The following PPHLN1 variants were observed in gnomAD, a reference collection of about 807,000 sequenced individuals.
The protein encoded by PPHLN1 is periphilin 1.
In PPHLN1, 29 loss-of-function variants were observed where a neutral mutation model predicts 51.3. That is an observed-to-expected ratio of 0.57 (90% CI 0.42 to 0.77). PPHLN1 has a LOEUF of 0.77. PPHLN1 is among the 30% of genes least tolerant of loss of function. PPHLN1 has a pLI of 0.00. For missense variants in PPHLN1, 436 were observed against 438.4 expected, an observed-to-expected ratio of 0.99 and a Z score of 0.05; for synonymous variants, 147 against 147.8, an observed-to-expected ratio of 0.99 and a Z score of 0.04.
intron 9 of PPHLN1, among the ~76,000 whole-genome samples, chr12:42,434,849 A>G (rs2082344002): frequency 6.6e-6 from 1 of 152,144 alleles, no homozygotes; most frequent in South Asian, 2.1e-4. Flanking sequence ...GCATGCCACC[A>G]TGGCTGGCTA....
chr12:42,346,485 T>C (rs1461672541), intron 2 of PPHLN1, among the ~76,000 whole-genome samples: 1 of 152,212 alleles, frequency 6.6e-6, no homozygotes, highest in Non-Finnish European at 1.5e-5. Flanking sequence ...GATCCATTTG[T>C]TCATCCATAG....
At chr12:42,434,939 C>A (rs1322416289) in intron 9 of PPHLN1, among the ~76,000 whole-genome samples, 3 of 152,208 alleles carry the variant, frequency 2.0e-5, no homozygotes, top group African/African-American at 7.2e-5. Flanking sequence ...GCAATCTGCC[C>A]GCCCTGGCCT....
At chr12:42,335,855 A>G (rs747797814) in intron 1 of PPHLN1, 28 bp from the exon 2 acceptor site, 75 of 1,376,114 alleles carry the variant, frequency 5.5e-5, no homozygotes, top group Non-Finnish European at 6.8e-5. Context: ...CCTAGTATAA[A>G]ATCCATAATT....
chr12:42,406,785 A>C (rs907593374), intron 9 of PPHLN1, among the ~76,000 whole-genome samples: 2 of 151,902 alleles, frequency 1.3e-5, no homozygotes, highest in Non-Finnish European at 2.9e-5. Flanking sequence ...AATCTTTCCT[A>C]TTGTTATTTG....
At chr12:42,348,491 T>G (rs1221026216) in intron 2 of PPHLN1, among the ~76,000 whole-genome samples, 1 of 152,120 alleles carries the variant, frequency 6.6e-6, no homozygotes, top group Non-Finnish European at 1.5e-5. Context: ...AATAAGTAAC[T>G]AAGTGTGATT....
At chr12:42,430,436 TAGTC>T (rs760100367) in intron 9 of PPHLN1, among the ~76,000 whole-genome samples, 3 of 152,198 alleles carry the variant, frequency 2.0e-5, no homozygotes, top group Non-Finnish European at 4.4e-5. Flanking sequence ...ATCAATAACA[TAGTC>T]AGTTAACACA....
At chr12:42,404,389 CATG>C (rs2079101157) in intron 9 of PPHLN1, among the ~76,000 whole-genome samples, 1 of 152,092 alleles carries the variant, frequency 6.6e-6, no homozygotes, top group African/African-American at 2.4e-5. Flanking sequence ...ATTAGCCCAA[CATG>C]GTGGTGGGTG....
intron 2 of PPHLN1, among the ~76,000 whole-genome samples, chr12:42,336,610 CT>C (rs2070705304): frequency 6.6e-6 from 1 of 152,286 alleles, no homozygotes; most frequent in East Asian, 1.9e-4. Context: ...GCCCAAAGAA[CT>C]TACTGTTTTG....
chr12:42,357,654 G>A (rs1001850554), intron 4 of PPHLN1, among the ~76,000 whole-genome samples: 6 of 152,268 alleles, frequency 3.9e-5, no homozygotes, highest in Non-Finnish European at 7.4e-5. Flanking sequence ...AACTAGATCA[G>A]CTAGTGGCTT....
chr12:42,371,111 GTTTTTTTTTTTTTTTT>G (rs59324305), intron 4 of PPHLN1, among the ~76,000 whole-genome samples: 1 of 64,694 alleles, frequency 1.5e-5, no homozygotes, highest in African/African-American at 6.3e-5. Flanking sequence ...CCAGCCTGGT[GTTTTTTTTTTTTTTTT>G]TTTTTTTTTT....
chr12:42,340,968 T>A (rs2071394946), intron 2 of PPHLN1, among the ~76,000 whole-genome samples: 1 of 149,128 alleles, frequency 6.7e-6, no homozygotes, highest in Non-Finnish European at 1.5e-5. Context: ...TCTCCCTTTT[T>A]TTCTTTCTTT....
At chr12:42,335,213 C>A (rs902460413) in intron 1 of PPHLN1, among the ~76,000 whole-genome samples, 1 of 151,828 alleles carries the variant, frequency 6.6e-6, no homozygotes, top group African/African-American at 2.4e-5. Flanking sequence ...ATACACCGTC[C>A]CACCCCCCCC....
chr12:42,418,132 G>T (rs1327789207), intron 9 of PPHLN1, among the ~76,000 whole-genome samples: 2 of 149,168 alleles, frequency 1.3e-5, no homozygotes, highest in African/African-American at 4.9e-5. Flanking sequence ...GTCGAGACAG[G>T]GTTTCACTGT....
intron 5 of PPHLN1, among the ~76,000 whole-genome samples, chr12:42,377,213 C>G (rs181946856): frequency 2.6e-5 from 4 of 152,098 alleles, no homozygotes; most frequent in Admixed American, 2.0e-4. Context: ...ATTGGACACC[C>G]CTACTCTAAG....
chr12:42,388,703 AC>A (rs890834648), intron 7 of PPHLN1, among the ~76,000 whole-genome samples: 1 of 152,108 alleles, frequency 6.6e-6, no homozygotes, highest in African/African-American at 2.4e-5. Context: ...GGGGCAGGCC[AC>A]CCCTTCATGA....
At chr12:42,367,764 C>A (rs1458302909) in intron 4 of PPHLN1, among the ~76,000 whole-genome samples, 1 of 152,090 alleles carries the variant, frequency 6.6e-6, no homozygotes, top group Non-Finnish European at 1.5e-5. Context: ...AACAGAGTCT[C>A]GCTCTGTTCC....
intron 9 of PPHLN1, among the ~76,000 whole-genome samples, chr12:42,420,056 AAAT>A (rs535940714): frequency 1.3e-3 from 192 of 152,320 alleles, no homozygotes; most frequent in African/African-American, 4.2e-3. Context: ...TGCCATCAAA[AAAT>A]AGAGTACAGA....
intron 9 of PPHLN1, among the ~76,000 whole-genome samples, chr12:42,429,310 A>G (rs975529066): frequency 6.6e-6 from 1 of 152,186 alleles, no homozygotes; most frequent in South Asian, 2.1e-4. Context: ...CTTTTGAATG[A>G]GAGAAAAAAT....
At chr12:42,397,758 A>T (rs539459382) in intron 8 of PPHLN1, among the ~76,000 whole-genome samples, 2 of 151,792 alleles carry the variant, frequency 1.3e-5, no homozygotes, top group African/African-American at 2.4e-5. Flanking sequence ...GTTTTTTGAG[A>T]CAGTGTCTGG....
Sources: allele counts gnomAD v4.1 joint callset (sites outside exome capture counted in the v4.1 genomes callset), GRCh38; gene constraint gnomAD v4.1.1; transcripts MANE v1.5; gene names NCBI Gene and HGNC (gene_info 2026-07-23, HGNC 2026-07-21).